The following UBE2H variants were observed in gnomAD, a reference collection of about 807,000 sequenced individuals.
UBE2H encodes ubiquitin-conjugating enzyme E2 H.
UBE2H carries 3 observed loss-of-function variants against 29.0 expected under a neutral mutation model. That is an observed-to-expected ratio of 0.10 (90% CI 0.05 to 0.27). The LOEUF (loss-of-function observed/expected upper bound fraction) is 0.27, where lower values mean the gene tolerates loss of function less well. Ranked by LOEUF, UBE2H falls within the 10% of genes least tolerant of loss-of-function variation. UBE2H has a pLI of 1.00. For missense variants in UBE2H, 68 were observed against 228.2 expected, an observed-to-expected ratio of 0.30 and a Z score of 4.52; for synonymous variants, 69 against 82.9, an observed-to-expected ratio of 0.83 and a Z score of 0.91.
At chr7:129,890,377 T>G (rs557759672) in intron 1 of UBE2H, among the ~76,000 whole-genome samples, 9 of 151,506 alleles carry the variant, frequency 5.9e-5, no homozygotes, top group South Asian at 4.2e-4. Context: ...ATACACACAC[T>G]TATATATATA....
chr7:129,841,488 G>T (rs1037604030), intron 5 of UBE2H, among the ~76,000 whole-genome samples: 2 of 152,194 alleles, frequency 1.3e-5, no homozygotes, highest in Non-Finnish European at 2.9e-5. Context: ...TGGCTACTGA[G>T]CACTCAAAAT....
At chr7:129,843,356 A>G (rs942898917) in intron 5 of UBE2H, among the ~76,000 whole-genome samples, 1 of 151,900 alleles carries the variant, frequency 6.6e-6, no homozygotes, top group Admixed American at 6.6e-5. Context: ...GCTTACTACA[A>G]GCAAGGAACT....
At chr7:129,894,690 T>C (rs1806566030) in intron 1 of UBE2H, among the ~76,000 whole-genome samples, 1 of 152,058 alleles carries the variant, frequency 6.6e-6, no homozygotes, top group African/African-American at 2.4e-5. Flanking sequence ...GGTTTCACCA[T>C]GTTGGCCAGG....
chr7:129,849,526 C>G (rs1805571332), intron 5 of UBE2H, among the ~76,000 whole-genome samples: 1 of 152,004 alleles, frequency 6.6e-6, no homozygotes, highest in South Asian at 2.1e-4. Context: ...TGCAGTGAGC[C>G]AAGATTGCAC....
chr7:129,899,735 A>G (rs575941548), intron 1 of UBE2H, among the ~76,000 whole-genome samples: 1 of 152,362 alleles, frequency 6.6e-6, no homozygotes, highest in African/African-American at 2.4e-5. Flanking sequence ...AAAAACAAGG[A>G]CAGAGTTTAG....
At chr7:129,846,639 T>A (rs1805516985) in intron 5 of UBE2H, among the ~76,000 whole-genome samples, 1 of 152,188 alleles carries the variant, frequency 6.6e-6, no homozygotes, top group African/African-American at 2.4e-5. Context: ...AACCTTGACA[T>A]GCTCTGCCTC....
At chr7:129,923,830 G>A (rs1728110547) in intron 1 of UBE2H, among the ~76,000 whole-genome samples, 2 of 152,086 alleles carry the variant, frequency 1.3e-5, no homozygotes, top group Non-Finnish European at 2.9e-5. Flanking sequence ...AAGACACGAG[G>A]GAACTGTAAG....
At chr7:129,916,141 T>C (rs948873918) in intron 1 of UBE2H, among the ~76,000 whole-genome samples, 2 of 152,212 alleles carry the variant, frequency 1.3e-5, no homozygotes, top group African/African-American at 2.4e-5. Context: ...GCTTTTTTTA[T>C]ATAGGCAGGT....
chr7:129,839,376 G>A, intron 5 of UBE2H, 41 bp from the exon 6 acceptor site: 1 of 1,608,270 alleles, frequency 6.2e-7, no homozygotes, highest in South Asian at 1.1e-5. Context: ...GGAAATGCAA[G>A]TTCACCTAAA....
chr7:129,950,054 C>G (rs1448232654), intron 1 of UBE2H, among the ~76,000 whole-genome samples: 1 of 152,106 alleles, frequency 6.6e-6, no homozygotes, highest in Non-Finnish European at 1.5e-5. Flanking sequence ...CTAAATATAC[C>G]TTACTCAAAA....
intron 1 of UBE2H, among the ~76,000 whole-genome samples, chr7:129,908,132 C>T (rs918612360): frequency 2.0e-5 from 3 of 152,140 alleles, no homozygotes; most frequent in African/African-American, 4.8e-5. Flanking sequence ...AAGAGTTCCT[C>T]GACATTTCTT....
At chr7:129,893,595 T>C (rs1035628705) in intron 1 of UBE2H, among the ~76,000 whole-genome samples, 3 of 152,242 alleles carry the variant, frequency 2.0e-5, no homozygotes, top group East Asian at 1.9e-4. Context: ...CAAGGAAATA[T>C]AGTCAAAACA....
intron 3 of UBE2H, 61 bp downstream of exon 3, chr7:129,879,507 T>A: frequency 1.3e-6 from 2 of 1,493,316 alleles, no homozygotes; most frequent in South Asian, 2.4e-5. Flanking sequence ...CCCTGAAATG[T>A]AAGATTTTTC....
intron 1 of UBE2H, among the ~76,000 whole-genome samples, chr7:129,921,791 T>C (rs186029989): frequency 3.3e-5 from 5 of 152,308 alleles, no homozygotes; most frequent in Admixed American, 3.3e-4. Flanking sequence ...ACCAATCTTT[T>C]TGGCGCTAAC....
chr7:129,869,180 C>T (rs1269158483), intron 3 of UBE2H, among the ~76,000 whole-genome samples: 1 of 151,938 alleles, frequency 6.6e-6, no homozygotes, highest in African/African-American at 2.4e-5. Flanking sequence ...TCAGGTGATC[C>T]GCCTGCCTCG....
intron 1 of UBE2H, among the ~76,000 whole-genome samples, chr7:129,950,810 G>A (rs555803929): frequency 6.6e-6 from 1 of 152,188 alleles, no homozygotes; most frequent in Non-Finnish European, 1.5e-5. Context: ...ATAGTTACAA[G>A]TTTTCCTGCA....
chr7:129,944,108 GCACTTTGGGAGGC>G (rs147780969), intron 1 of UBE2H, among the ~76,000 whole-genome samples: 19,707 of 152,118 alleles, frequency 0.13, 1,592 homozygotes, highest in East Asian at 0.31. Flanking sequence ...TGTAATCCCA[GCACTTTGGGAGGC>G]CACGGTGGGC....
intron 5 of UBE2H, among the ~76,000 whole-genome samples, chr7:129,856,284 T>C (rs919712032): frequency 6.6e-6 from 1 of 152,228 alleles, no homozygotes; most frequent in Non-Finnish European, 1.5e-5. Context: ...CAGCCATCCC[T>C]GGTTAAGCTC....
At chr7:129,924,879 C>T (rs1289633906) in intron 1 of UBE2H, among the ~76,000 whole-genome samples, 1 of 151,914 alleles carries the variant, frequency 6.6e-6, no homozygotes, top group African/African-American at 2.4e-5. Context: ...CCTCTACCAA[C>T]CTTCAACCAC....
Sources: gnomAD v4.1 joint callset for allele counts (sites outside exome capture counted in the v4.1 genomes callset) on GRCh38, gnomAD v4.1.1 for gene constraint, MANE v1.5 for transcripts, NCBI Gene and HGNC (gene_info 2026-07-23, HGNC 2026-07-21) for gene names.